Variants in TSPAN18 observed in about 807,000 individuals in gnomAD.
TSPAN18 encodes tetraspanin-18.
Under a neutral mutation model 27.3 loss-of-function variants are expected in TSPAN18, and 14 were observed. The ratio of observed to expected loss-of-function variants is 0.51; its 90% confidence interval spans 0.34 to 0.80. TSPAN18 has a LOEUF of 0.80. Ranked by LOEUF, TSPAN18 falls within the 30% of genes least tolerant of loss-of-function variation. TSPAN18 has a pLI of 0.01. For missense variants in TSPAN18, 268 were observed against 323.9 expected, an observed-to-expected ratio of 0.83 and a Z score of 1.32; for synonymous variants, 143 against 136.5, an observed-to-expected ratio of 1.05 and a Z score of -0.33.
At chr11:44,788,931 T>G (rs1856126242) in intron 2 of TSPAN18, among the ~76,000 whole-genome samples, 1 of 152,224 alleles carries the variant, frequency 6.6e-6, no homozygotes, top group Admixed American at 6.5e-5. Flanking sequence ...AATCCACGCA[T>G]GCAGCTGGTG....
At chr11:44,776,298 G>A (rs1855806850) in intron 2 of TSPAN18, among the ~76,000 whole-genome samples, 3 of 152,228 alleles carry the variant, frequency 2.0e-5, no homozygotes, top group Admixed American at 2.0e-4. Context: ...GTCACATCTG[G>A]CTGGTGGAGG....
chr11:44,861,089 G>A (rs963335855), intron 3 of TSPAN18, among the ~76,000 whole-genome samples: 1 of 152,108 alleles, frequency 6.6e-6, no homozygotes, highest in Non-Finnish European at 1.5e-5. Context: ...GATGCTGTTA[G>A]GACCGTATCT....
chr11:44,910,696 A>G (rs1859676150), intron 5 of TSPAN18, among the ~76,000 whole-genome samples: 2 of 152,216 alleles, frequency 1.3e-5, no homozygotes, highest in Admixed American at 6.5e-5. Flanking sequence ...TTATTCATCA[A>G]GTAAGTAGCC....
At chr11:44,779,528 C>G (rs894719146) in intron 2 of TSPAN18, among the ~76,000 whole-genome samples, 2 of 152,112 alleles carry the variant, frequency 1.3e-5, no homozygotes, top group African/African-American at 4.8e-5. Context: ...TGAAATTCAT[C>G]AATCTCATGG....
At chr11:44,857,651 G>T (rs1857771821) in intron 2 of TSPAN18, among the ~76,000 whole-genome samples, 1 of 152,174 alleles carries the variant, frequency 6.6e-6, no homozygotes, top group African/African-American at 2.4e-5. Context: ...CTGGCTCACA[G>T]CCCTCAGAGC....
At chr11:44,832,169 C>T (rs1031790387) in intron 2 of TSPAN18, among the ~76,000 whole-genome samples, 5 of 152,104 alleles carry the variant, frequency 3.3e-5, no homozygotes, top group East Asian at 3.9e-4. Context: ...TCAGAGGAGG[C>T]GACATCGCTC....
At chr11:44,743,287 G>A (rs1045634893) in intron 1 of TSPAN18, among the ~76,000 whole-genome samples, 2 of 152,186 alleles carry the variant, frequency 1.3e-5, no homozygotes, top group Admixed American at 1.3e-4. Flanking sequence ...TAAAGGCAGA[G>A]CATGACAATG....
chr11:44,926,636 C>T, intron 8 of TSPAN18, 38 bp from the exon 9 acceptor site: 2 of 1,589,994 alleles, frequency 1.3e-6, no homozygotes, highest in Non-Finnish European at 1.7e-6. Context: ...GGACTCTCAA[C>T]CCTGGCCATA....
chr11:44,796,674 C>G (rs1174327021), intron 2 of TSPAN18, among the ~76,000 whole-genome samples: 1 of 152,104 alleles, frequency 6.6e-6, no homozygotes, highest in Admixed American at 6.5e-5. Context: ...CTGAGAAGGA[C>G]AAGGATAGCC....
intron 2 of TSPAN18, among the ~76,000 whole-genome samples, chr11:44,783,771 C>T (rs1319860633): frequency 6.6e-6 from 1 of 152,222 alleles, no homozygotes; most frequent in Non-Finnish European, 1.5e-5. Flanking sequence ...AATCCCGCCC[C>T]TCTGCCCATC....
chr11:44,766,099 T>A (rs1239272833), intron 2 of TSPAN18, among the ~76,000 whole-genome samples: 1 of 152,238 alleles, frequency 6.6e-6, no homozygotes, highest in Non-Finnish European at 1.5e-5. Context: ...TTTGGCTGCC[T>A]CTGTGCCCAT....
intron 2 of TSPAN18, among the ~76,000 whole-genome samples, chr11:44,855,588 C>T (rs1857714384): frequency 1.3e-5 from 2 of 152,096 alleles, no homozygotes; most frequent in Admixed American, 6.6e-5. Context: ...CCTGAGGCCA[C>T]ACAGTTGGTG....
intron 4 of TSPAN18, 83 bp downstream of exon 4, chr11:44,906,562 C>A (rs2135326544): frequency 7.4e-7 from 1 of 1,345,374 alleles, no homozygotes; most frequent in South Asian, 1.2e-5. Flanking sequence ...TGGGCTGAGT[C>A]CCTGGGGCGA....
In TSPAN18 at chr11:44,906,570, C is replaced by T. The variant is rs968796075; in HGVS notation, c.63+91C>T. 58 of 1,297,500 alleles carry T rather than the reference C, an allele frequency of 4.5e-5. No individual in the cohort carries two copies. The Middle Eastern group carries it at 6.5e-4, about 15-fold the overall frequency. The allele number at this position is 1,297,500 out of a possible 1,614,324, so 80.4% of individuals were successfully genotyped here. ...GTCACACTGGGCTGAGTCCCTGGGG[C>T]GAGCACAGGGGCCGGCGCTAGAGGC... is the stretch of plus-strand genomic sequence containing the variant. On this transcript the variant is annotated intron_variant, in intron 4 of 9. Coordinates refer to ENST00000520358, the MANE Select transcript of TSPAN18 (RefSeq NM_130783.5).
Position 44,929,203 on chromosome 11 carries a change from C to T in TSPAN18, c.*25C>T. 1 of 1,613,296 alleles carries T rather than the reference C, an allele frequency of 6.2e-7. No individual in the cohort carries two copies. The highest frequency in any genetic ancestry group is 8.5e-7 in the Non-Finnish European group (1 of 1,179,956). Reference sequence around the variant, plus strand: ...GAGGGTATGGCCTGAAGCCTGAAGACTCGCCCCACCCACCACTGCCCAGCA... The same window carrying T: ...GAGGGTATGGCCTGAAGCCTGAAGATTCGCCCCACCCACCACTGCCCAGCA... On this transcript the variant is annotated 3_prime_UTR_variant, in exon 10 of 10. Coordinates refer to ENST00000520358, the MANE Select transcript of TSPAN18 (RefSeq NM_130783.5).
At chr11:44,872,944 G>A (rs947593035) in intron 3 of TSPAN18, among the ~76,000 whole-genome samples, 2 of 152,324 alleles carry the variant, frequency 1.3e-5, no homozygotes, top group African/African-American at 2.4e-5. Context: ...TGAGTGTTCC[G>A]ACAGGGCAGA....
At chr11:44,827,273 A>G (rs1275189587) in intron 2 of TSPAN18, among the ~76,000 whole-genome samples, 1 of 152,196 alleles carries the variant, frequency 6.6e-6, no homozygotes, top group Non-Finnish European at 1.5e-5. Context: ...CTTACCTACC[A>G]CACAACAGGG....
intron 2 of TSPAN18, among the ~76,000 whole-genome samples, chr11:44,858,757 G>A (rs892836705): frequency 4.6e-5 from 7 of 152,180 alleles, no homozygotes; most frequent in African/African-American, 1.7e-4. Context: ...GGAGATGCTG[G>A]GGAGGAGAGG....
intron 1 of TSPAN18, among the ~76,000 whole-genome samples, chr11:44,758,335 G>A (rs938610539): frequency 6.6e-6 from 1 of 152,184 alleles, no homozygotes; most frequent in Admixed American, 6.5e-5. Context: ...TCTTCATTCT[G>A]TTGATGTGGA....
Sources: gnomAD v4.1 joint callset for allele counts (sites outside exome capture counted in the v4.1 genomes callset) on GRCh38, gnomAD v4.1.1 for gene constraint, MANE v1.5 for transcripts, NCBI Gene and HGNC (gene_info 2026-07-23, HGNC 2026-07-21) for gene names.